EHBP1: variants seen among roughly 807,000 people sequenced by gnomAD.
EHBP1 encodes the protein EH domain-binding protein 1.
In EHBP1, 55 loss-of-function variants were observed where a neutral mutation model predicts 144.0. The ratio of observed to expected loss-of-function variants is 0.38; its 90% CI spans 0.31 to 0.48. EHBP1 has a LOEUF of 0.48. EHBP1 is among the 20% of genes least tolerant of loss of function. The pLI is 0.98. For missense variants in EHBP1, 1,200 were observed against 1,364.2 expected (o/e 0.88, Z 1.90); for synonymous variants, 469 against 472.7 (o/e 0.99, Z 0.10).
chr2:62,806,431 C>T (rs770033891), intron 5 of EHBP1, among the ~76,000 whole-genome samples: 7 of 151,602 alleles, frequency 4.6e-5, no homozygotes, highest in Non-Finnish European at 8.8e-5. Flanking sequence ...AATGCAGTGG[C>T]GCAATCACAG....
intron 14 of EHBP1, among the ~76,000 whole-genome samples, chr2:62,966,232 T>A (rs1377010307): frequency 6.6e-6 from 1 of 152,186 alleles, no homozygotes; most frequent in Non-Finnish European, 1.5e-5. Flanking sequence ...TGAAAATACC[T>A]CTTAGAGGGG....
At chr2:63,041,341 G>T (rs1390347709) in intron 21 of EHBP1, among the ~76,000 whole-genome samples, 1 of 152,034 alleles carries the variant, frequency 6.6e-6, no homozygotes, top group Non-Finnish European at 1.5e-5. Context: ...TTTTGTTCCA[G>T]ATTATTTAAT....
chr2:62,939,977 G>T, intron 10 of EHBP1: 1 of 285,098 alleles, frequency 3.5e-6, no homozygotes, highest in South Asian at 3.8e-5. Context: ...CAGAGGTGGT[G>T]ATTCACTGAA....
chr2:62,698,248 A>C (rs2034167153), intron 1 of EHBP1, among the ~76,000 whole-genome samples: 1 of 152,258 alleles, frequency 6.6e-6, no homozygotes, highest in African/African-American at 2.4e-5. Flanking sequence ...ACCTTTAAAT[A>C]TGCTCTTTTT....
chr2:62,735,703 G>C (rs188366257), intron 2 of EHBP1, among the ~76,000 whole-genome samples: 2 of 152,076 alleles, frequency 1.3e-5, no homozygotes, highest in African/African-American at 2.4e-5. Flanking sequence ...TTCTGGCAGG[G>C]CATACCTACT....
At position 62,715,239 on chromosome 2, in the gene EHBP1, C is replaced by T. The variant is rs371553391; in HGVS notation, c.104+7944C>T. On this transcript the variant is annotated intron_variant, in intron 2 of 22. Transcript: ENST00000431489. ...AAGCAATTCTTCTGCCTCGGCCTCCCGAGTAGCTGGGACTATAGGTGCATG... is the reference window on the plus strand; with the variant it reads ...AAGCAATTCTTCTGCCTCGGCCTCCTGAGTAGCTGGGACTATAGGTGCATG... 2.1e-4 allele frequency among the ~76,000 whole-genome samples: 32 copies of T among 152,186 alleles called. 1 individual carries two copies. The South Asian group carries it at 5.0e-3, about 24-fold the overall frequency.
chr2:62,957,477 A>G (rs1288519675), intron 14 of EHBP1, among the ~76,000 whole-genome samples: 2 of 152,216 alleles, frequency 1.3e-5, no homozygotes, highest in East Asian at 1.9e-4. Context: ...TCTGTTCAAT[A>G]TCATAATGGG....
chr2:62,781,680 T>C (rs544357705), intron 5 of EHBP1, among the ~76,000 whole-genome samples: 1 of 152,328 alleles, frequency 6.6e-6, no homozygotes, highest in Admixed American at 6.5e-5. Context: ...CAACAGCATG[T>C]CGTTCACTAG....
At chr2:62,858,649 A>G (rs1014087017) in intron 7 of EHBP1, 8 of 611,350 alleles carry the variant, frequency 1.3e-5, no homozygotes, top group African/African-American at 1.1e-4. Flanking sequence ...GGTAATTTGT[A>G]GTGCACCAAC....
At position 62,800,288 on chromosome 2, in the gene EHBP1, C is replaced by T. The variant is rs145427471; in HGVS notation, c.313-25799C>T. Among the ~76,000 whole-genome samples, 4 of 152,266 alleles carry T rather than the reference C, an allele frequency of 2.6e-5. No individual in the cohort carries two copies. The East Asian group carries it at 5.8e-4, about 22-fold the overall frequency. On this transcript the variant is annotated intron_variant, in intron 5 of 22. Transcript: ENST00000431489. ...ATTTAATATGATATAGTGTCTCTGG[C>T]AGTAGATAACCCAGCTTTTCTTTCT...
At chr2:62,920,805 GGCATA>G (rs1280329942) in intron 10 of EHBP1, among the ~76,000 whole-genome samples, 4 of 152,156 alleles carry the variant, frequency 2.6e-5, no homozygotes, top group African/African-American at 9.6e-5. Flanking sequence ...TGCGATTACA[GGCATA>G]TACCACCATG....
chr2:63,045,556 G>C lies in EHBP1; in HGVS notation c.*56G>C, dbSNP rs2061923278. 1 of 1,391,476 alleles carries C rather than the reference G, an allele frequency of 7.2e-7. No individual in the cohort carries two copies. Among genetic ancestry groups the C allele is most frequent in the Non-Finnish European group, 1.0e-6 (1 of 995,848 alleles). The allele number at this position is 1,391,476 out of a possible 1,614,324, so 86.2% of individuals were successfully genotyped here. ...TTTTAGAGTCTTGCTTCCCAAACCA[G>C]AAAAAGTCAGACTCATTGTTGATTT... On this transcript the variant is annotated 3_prime_UTR_variant, in exon 23 of 23. Coordinates refer to ENST00000431489, the MANE Select transcript of EHBP1 (RefSeq NM_001142616.3). The surrounding 1 kb of genome is among the most constrained non-coding windows in gnomAD (Gnocchi z 5.7).
intron 5 of EHBP1, among the ~76,000 whole-genome samples, chr2:62,795,308 C>T (rs1244665436): frequency 6.6e-6 from 1 of 152,026 alleles, no homozygotes; most frequent in Non-Finnish European, 1.5e-5. Flanking sequence ...TCTAGTTCTT[C>T]AGTGGTTTCA....
intron 2 of EHBP1, among the ~76,000 whole-genome samples, chr2:62,741,487 C>T (rs1401382408): frequency 6.6e-6 from 1 of 152,124 alleles, no homozygotes; most frequent in Non-Finnish European, 1.5e-5. Context: ...ATATTCTTTA[C>T]CCTATTTCTG....
intron 2 of EHBP1, among the ~76,000 whole-genome samples, chr2:62,714,552 A>G (rs2035480230): frequency 6.6e-6 from 1 of 152,230 alleles, no homozygotes; most frequent in Non-Finnish European, 1.5e-5. Context: ...GGAGATGATA[A>G]TAACACTACT....
chr2:63,034,314 T>C (rs1366709582), intron 19 of EHBP1, among the ~76,000 whole-genome samples: 1 of 152,090 alleles, frequency 6.6e-6, no homozygotes, highest in Non-Finnish European at 1.5e-5. Context: ...ATTTTTAATT[T>C]CAAAATGGCT....
chr2:62,826,304 G>C, intron 6 of EHBP1, 36 bp downstream of exon 6: 1 of 1,540,234 alleles, frequency 6.5e-7, no homozygotes, highest in East Asian at 2.4e-5. Flanking sequence ...TCCTTACATT[G>C]TGTTTCAGTA....
At chr2:62,889,777 CTATT>C (rs1032718602) in intron 10 of EHBP1, among the ~76,000 whole-genome samples, 3 of 151,808 alleles carry the variant, frequency 2.0e-5, no homozygotes, top group African/African-American at 7.3e-5. Flanking sequence ...GTTTTTGTAT[CTATT>C]CTGTGTCTAT....
In EHBP1 at chr2:62,864,930, C is replaced by G. The variant is rs778883374; in HGVS notation, c.957C>G (p.Leu319=). The G allele has an allele frequency of 1.9e-6, 3 of 1,613,684 alleles. No homozygotes were observed. The highest frequency in any genetic ancestry group is 2.5e-6 in the Non-Finnish European group (3 of 1,179,836). The change falls in exon 9 of 23, where the codon CTC becomes CTG. Residue 319 remains leucine, a synonymous_variant. Coordinates refer to ENST00000431489, the MANE Select transcript of EHBP1 (RefSeq NM_001142616.3). ...GACCTGTGGATATGAGCAAGTACCTCTATGCTGATAGTTCTAAAACTGAAG... is the reference window on the plus strand; with the variant it reads ...GACCTGTGGATATGAGCAAGTACCTGTATGCTGATAGTTCTAAAACTGAAG... ...NIRPVDMSKY[L]YADSSKTEEE...
Sources: allele counts gnomAD v4.1 joint callset (sites outside exome capture counted in the v4.1 genomes callset), GRCh38; gene constraint gnomAD v4.1.1; non-coding constraint Gnocchi (gnomAD v3.1); transcripts MANE v1.5; gene names NCBI Gene and HGNC (gene_info 2026-07-23, HGNC 2026-07-21).